Variants in C19orf47 observed in about 807,000 individuals in gnomAD.
C19orf47 encodes uncharacterized protein C19orf47.
C19orf47 carries 18 observed loss-of-function variants against 32.3 expected under a neutral mutation model. The observed-to-expected ratio is 0.56, with a 90% CI of 0.39 to 0.83. The LOEUF (loss-of-function observed/expected upper bound fraction) is 0.83. C19orf47 is among the 40% of genes least tolerant of loss of function. The pLI is 0.00. For synonymous variants in C19orf47, 202 were observed against 211.1 expected (o/e 0.96, Z 0.37); for missense variants, 484 against 531.6 (o/e 0.91, Z 0.88).
At chr19:40,294,644 C>T in the C19orf47 span, among the ~76,000 whole-genome samples, 1 of 152,296 alleles carries the variant, frequency 6.6e-6, no homozygotes, top group East Asian at 1.9e-4. Flanking sequence ...AGACAAAAAC[C>T]AGATGAGGTG....
At chr19:40,297,872 C>CAA in the C19orf47 span, among the ~76,000 whole-genome samples, 77 of 104,956 alleles carry the variant, frequency 7.3e-4, no homozygotes, top group Middle Eastern at 9.7e-3. Flanking sequence ...GACTCCGTCT[C>CAA]AAAAAAAAAA....
intron 1 of C19orf47, among the ~76,000 whole-genome samples, chr19:40,346,027 G>A (rs573067338): frequency 1.3e-5 from 2 of 151,000 alleles, no homozygotes; most frequent in Non-Finnish European, 3.0e-5. Context: ...ATGGTGGCAG[G>A]CACCTGTAAT....
Position 40,322,294 on chromosome 19 carries a change from C to T in C19orf47, c.746G>A (p.Ser249Asn). Residue 249 changes from serine (S) to asparagine (N), a missense_variant, in exon 9 of 9, where the codon AGC becomes AAC. This residue lies in a region of C19orf47 where 376 missense variants were observed against 370.2 expected (regional missense o/e 1.02). Coordinates refer to ENST00000683109, the MANE Select transcript of C19orf47 (RefSeq NM_001256441.2). ...LAWDSDNDSS[S>N]SVLQYAGVLK... ...GACCCCGGCATACTGCAAGACAGAG[C>T]TGCTGCTGTCATTGTCGCTGTCCCA... 3 of 1,608,732 alleles carry T rather than the reference C, an allele frequency of 1.9e-6. No homozygotes were observed. The highest frequency in any genetic ancestry group is 2.5e-6 in the Non-Finnish European group (3 of 1,179,308).
chr19:40,347,674 T>C (rs1334390624), intron 1 of C19orf47, among the ~76,000 whole-genome samples: 1 of 152,190 alleles, frequency 6.6e-6, no homozygotes, highest in Non-Finnish European at 1.5e-5. Context: ...AAATAGTAAG[T>C]GACAGGATGT....
downstream of C19orf47, among the ~76,000 whole-genome samples, chr19:40,318,421 T>C (rs2077677913): frequency 6.6e-6 from 1 of 152,128 alleles, no homozygotes; most frequent in Non-Finnish European, 1.5e-5. Flanking sequence ...CTAAACCCTG[T>C]GTGGTAAATT....
intron 6 of C19orf47, among the ~76,000 whole-genome samples, chr19:40,327,313 CTT>C (rs753817564): frequency 7.4e-4 from 103 of 138,950 alleles, no homozygotes; most frequent in Middle Eastern, 3.9e-3. Context: ...CCCGCCCAGC[CTT>C]TTTTTTTTTT....
At chr19:40,323,952 C>T in intron 8 of C19orf47, 54 bp downstream of exon 8, 1 of 1,603,760 alleles carries the variant, frequency 6.2e-7, no homozygotes, top group Non-Finnish European at 8.5e-7. Flanking sequence ...AGGAGCACCG[C>T]TCAGGGAAGA....
the C19orf47 span, among the ~76,000 whole-genome samples, chr19:40,296,519 C>T: frequency 1.3e-5 from 2 of 151,748 alleles, no homozygotes; most frequent in Non-Finnish European, 2.9e-5. Context: ...TGACCTCAAG[C>T]AATCTGCCTG....
chr19:40,338,274 C>T (rs1036302930), intron 2 of C19orf47, among the ~76,000 whole-genome samples: 27 of 148,814 alleles, frequency 1.8e-4, no homozygotes, highest in African/African-American at 6.6e-4. Flanking sequence ...TATACACACA[C>T]ACACACACAC....
At chr19:40,338,183 T>C (rs1171469469) in intron 2 of C19orf47, among the ~76,000 whole-genome samples, 1 of 149,102 alleles carries the variant, frequency 6.7e-6, no homozygotes, top group Non-Finnish European at 1.5e-5. Context: ...CAAGCGATCT[T>C]CCCACCTCAG....
the C19orf47 span, among the ~76,000 whole-genome samples, chr19:40,306,151 C>CAAAAAAAAAAAAAAAAAAAAAA: frequency 1.9e-5 from 1 of 53,874 alleles, no homozygotes; most frequent in Non-Finnish European, 3.6e-5. Flanking sequence ...AACTCTGTCT[C>CAAAAAAAAAAAAAAAAAAAAAA]AAAAAAAAAA....
chr19:40,303,493 G>A, the C19orf47 span, among the ~76,000 whole-genome samples: 1 of 144,896 alleles, frequency 6.9e-6, no homozygotes, highest in African/African-American at 2.6e-5. Flanking sequence ...ACTGACTCCA[G>A]CCTGGGCAAC....
In C19orf47 at chr19:40,321,047, G is replaced by T. The variant is rs550526449; in HGVS notation, c.*835C>A. Reference sequence around the variant, plus strand: ...AAACAGTCCTGCAACTCACCCTGAAGGAGTGGGGGAAATGATTTGAAAGTC... The same window carrying T: ...AAACAGTCCTGCAACTCACCCTGAATGAGTGGGGGAAATGATTTGAAAGTC... On this transcript the variant is annotated 3_prime_UTR_variant, in exon 9 of 9. Coordinates refer to ENST00000683109, the MANE Select transcript of C19orf47 (RefSeq NM_001256441.2). The T allele has an allele frequency of 1.4e-4, 26 of 179,478 alleles. No homozygotes were observed. The highest frequency in any genetic ancestry group is 5.9e-4 in the African/African-American group (25 of 42,022). 11.1% of individuals were successfully genotyped at this position (179,478 alleles called of 1,614,324 possible).
intron 7 of C19orf47, among the ~76,000 whole-genome samples, chr19:40,325,599 G>A (rs113749161): frequency 0.017 from 2,542 of 152,208 alleles, 61 homozygotes; most frequent in African/African-American, 0.058. Context: ...CTGAACCCCA[G>A]CCTGGGTGAT....
intron 5 of C19orf47, 61 bp from the exon 6 acceptor site, chr19:40,328,611 C>T: frequency 1.3e-6 from 2 of 1,544,934 alleles, no homozygotes; most frequent in Non-Finnish European, 1.7e-6. Context: ...CTCAATCCAG[C>T]AGTCTCAGGG....
chr19:40,329,360 G>T (rs1018590490), intron 5 of C19orf47, among the ~76,000 whole-genome samples: 2 of 151,742 alleles, frequency 1.3e-5, no homozygotes, highest in Non-Finnish European at 2.9e-5. Context: ...CAAAAAATCA[G>T]CCAGGCATGG....
chr19:40,324,981 A>C (rs971580519), intron 7 of C19orf47, among the ~76,000 whole-genome samples: 4 of 151,430 alleles, frequency 2.6e-5, no homozygotes, highest in South Asian at 2.1e-4. Flanking sequence ...AAGAAAAGAA[A>C]AGTTAGGTCC....
At chr19:40,305,368 A>C in the C19orf47 span, among the ~76,000 whole-genome samples, 2 of 152,076 alleles carry the variant, frequency 1.3e-5, no homozygotes, top group African/African-American at 4.8e-5. Flanking sequence ...GTAGATTTGA[A>C]ATAGAAAAAT....
At chr19:40,305,129 G>C in the C19orf47 span, among the ~76,000 whole-genome samples, 1 of 152,114 alleles carries the variant, frequency 6.6e-6, no homozygotes, top group Non-Finnish European at 1.5e-5. Context: ...GATCACCTGA[G>C]ATCAGGAGTT....
Sources: gnomAD v4.1 joint callset for allele counts (sites outside exome capture counted in the v4.1 genomes callset) on GRCh38, gnomAD v4.1.1 for gene constraint, gnomAD v4.1.1 regional missense constraint, MANE v1.5 for transcripts, NCBI Gene and HGNC (gene_info 2026-07-23, HGNC 2026-07-21) for gene names.